Variants in UBE3A observed in about 807,000 individuals in gnomAD.
UBE3A encodes ubiquitin-protein ligase E3A.
Under a neutral mutation model 83.4 loss-of-function variants are expected in UBE3A, and 6 were observed. The observed-to-expected ratio is 0.07, with a 90% CI of 0.04 to 0.14. UBE3A has a LOEUF of 0.14. Among genes scored for constraint, UBE3A ranks in the 10% least tolerant of loss-of-function variants. UBE3A has a pLI of 1.00. For missense variants in UBE3A, 456 were observed against 1,036.1 expected (o/e 0.44, Z 7.69); for synonymous variants, 337 against 355.4 (o/e 0.95, Z 0.58).
chr15:25,433,433 G>A (rs149970079), intron 1 of UBE3A, among the ~76,000 whole-genome samples: 1,522 of 152,168 alleles, frequency 0.01, 30 homozygotes, highest in African/African-American at 0.035. Flanking sequence ...TGATCCGCCC[G>A]CCTCGGCTTC....
chr15:25,344,072 G>C (rs924702323), intron 11 of UBE3A, among the ~76,000 whole-genome samples: 1 of 152,134 alleles, frequency 6.6e-6, no homozygotes, highest in East Asian at 1.9e-4. Context: ...AATTACACAT[G>C]CATCTACCAT....
rs752633417 is a variant in UBE3A at position 25,354,513 on chromosome 15, C to CA, written c.2280+14dup. On this transcript the variant is annotated intron_variant, in intron 10 of 12. Transcript: ENST00000648336. ...AAATCGATACATGACTTTTTGCAGA[C>CA]ACCTGCTTTCTTACCCGGCTTCCAC... 22 of 1,613,810 alleles carry CA rather than the reference C, an allele frequency of 1.4e-5. No individual in the cohort carries two copies. The South Asian group carries it at 2.0e-4, about 14-fold the overall frequency.
At chr15:25,363,451 A>G (rs1468838634) in intron 6 of UBE3A, among the ~76,000 whole-genome samples, 3 of 152,230 alleles carry the variant, frequency 2.0e-5, no homozygotes, top group African/African-American at 7.2e-5. Context: ...GCACTTTTGT[A>G]GCATTTCACA....
intron 4 of UBE3A, among the ~76,000 whole-genome samples, chr15:25,386,218 A>G (rs2083101739): frequency 6.6e-6 from 1 of 152,242 alleles, no homozygotes; most frequent in Non-Finnish European, 1.5e-5. Context: ...ACCTAATCAT[A>G]AGACTACAGA....
In UBE3A at chr15:25,338,186, A is replaced by T. The variant is rs556308513; in HGVS notation, c.*951T>A. 6 of 152,256 alleles carry T rather than the reference A, an allele frequency of 3.9e-5. No individual in the cohort carries two copies. The East Asian group carries it at 1.2e-3, about 29-fold the overall frequency. The allele number at this position is 152,256 out of a possible 1,614,324, so 9.4% of individuals were successfully genotyped here. The stretch of plus-strand genomic sequence containing the variant: ...AGGTAATAAGTAAGTAATTAATAAA[A>T]ACTCTATCTTAAGTGCACTTTCACA... On this transcript the variant is annotated 3_prime_UTR_variant, in exon 13 of 13. Coordinates refer to ENST00000648336, the MANE Select transcript of UBE3A (RefSeq NM_130839.5).
chr15:25,370,989 T>C lies in UBE3A; in HGVS notation c.1185A>G (p.Glu395=), dbSNP rs114056442. ...GCTCGCTGGACTCAGGGATGGGCTC[T>C]TCATCATCTTCTTCATTGTGATTTG... ...VDTNHNEEDD[E]EPIPESSELT... Residue 395 remains glutamate (E), a synonymous_variant, in exon 6 of 13, where the codon GAA becomes GAG. Coordinates refer to ENST00000648336, the MANE Select transcript of UBE3A (RefSeq NM_130839.5). The surrounding 1 kb of genome is among the most constrained non-coding windows in gnomAD (Gnocchi z 4.2). The C allele has an allele frequency of 1.0e-3, 1,627 of 1,614,122 alleles. 14 individuals are homozygous for C. In the African/African-American group the frequency reaches 0.02, roughly 19 times the overall value.
intron 4 of UBE3A, among the ~76,000 whole-genome samples, chr15:25,383,102 A>C (rs2082483782): frequency 6.6e-6 from 1 of 152,208 alleles, no homozygotes; most frequent in Admixed American, 6.5e-5. Context: ...CAAATTTACA[A>C]GAAAAAAGAA....
chr15:25,380,635 G>A (rs748046940), intron 4 of UBE3A, among the ~76,000 whole-genome samples: 15 of 152,086 alleles, frequency 9.9e-5, no homozygotes, highest in Non-Finnish European at 1.5e-4. Context: ...GGAAAGAAAG[G>A]AATTTCCCTG....
At chr15:25,362,086 T>C (rs903843208) in intron 6 of UBE3A, among the ~76,000 whole-genome samples, 1 of 152,182 alleles carries the variant, frequency 6.6e-6, no homozygotes, top group Non-Finnish European at 1.5e-5. Flanking sequence ...CACATAGTAA[T>C]GGAACCTACT....
At chr15:25,418,766 A>G (rs1888231814) in intron 1 of UBE3A, 2 of 152,164 alleles carry the variant, frequency 1.3e-5, no homozygotes, top group African/African-American at 4.8e-5. Flanking sequence ...TTAACAATGT[A>G]ACACTGTCAT....
chr15:25,420,708 G>A (rs1484235482), intron 1 of UBE3A: 1 of 152,156 alleles, frequency 6.6e-6, no homozygotes, highest in Non-Finnish European at 1.5e-5. Context: ...CTGCTGGTGG[G>A]AATGTAAAAT....
intron 4 of UBE3A, among the ~76,000 whole-genome samples, chr15:25,386,539 A>G (rs948912466): frequency 2.0e-5 from 3 of 152,220 alleles, no homozygotes; most frequent in Admixed American, 2.0e-4. Context: ...AACAAAAAAC[A>G]GAACACTGTA....
Position 25,430,027 on chromosome 15 carries a change from C to CTA in UBE3A, c.-165+8460_-165+8461dup, listed in dbSNP as rs199950859. Among the ~76,000 whole-genome samples the CTA allele has an allele frequency of 8.4e-3, 557 of 66,170 alleles. 129 individuals carry two copies. The highest frequency in any genetic ancestry group is 0.061 in the African/African-American group (502 of 8,200). 43.4% of individuals were successfully genotyped at this position (66,170 alleles called of 152,430 possible). A position where few individuals can be genotyped will look rare whatever the true frequency, so the allele number is the denominator to read the frequency against. On this transcript the variant is annotated intron_variant, in intron 1 of 12. Transcript: ENST00000648336. Reference sequence around the variant, plus strand: ...CTCAGGAGGAAAAACAAAAAAAAACCTATATATATATATATATATATATTT... The same window carrying CTA: ...CTCAGGAGGAAAAACAAAAAAAAACCTATATATATATATATATATATATATTT...
At chr15:25,432,016 T>C (rs138119483) in intron 1 of UBE3A, among the ~76,000 whole-genome samples, 22 of 152,338 alleles carry the variant, frequency 1.4e-4, no homozygotes, top group African/African-American at 5.3e-4. Context: ...CTTCATCCTT[T>C]GCTTTCTAAA....
intron 1 of UBE3A, chr15:25,420,865 T>A (rs376480388): frequency 6.6e-6 from 1 of 152,194 alleles, no homozygotes; most frequent in Non-Finnish European, 1.5e-5. Context: ...CCAATGTTCA[T>A]AGCAGCATCA....
At chr15:25,353,065 T>C (rs1048802942) in intron 11 of UBE3A, among the ~76,000 whole-genome samples, 3 of 152,206 alleles carry the variant, frequency 2.0e-5, no homozygotes, top group Admixed American at 6.5e-5. Flanking sequence ...CTAGAAATTA[T>C]ATCTATGATC....
rs587784510 is a variant in UBE3A, at chr15:25,370,998, T to A, written c.1176A>T (p.Glu392Asp). The A allele has an allele frequency of 9.9e-6, 16 of 1,614,020 alleles. No homozygotes were observed. The highest frequency in any genetic ancestry group is 1.7e-5 in the Admixed American group (1 of 59,984). Residue 392 changes from glutamate (E) to aspartate (D), a missense_variant, in exon 6 of 13, where the codon GAA (glutamate) becomes GAT (aspartate). Coordinates refer to ENST00000648336, the MANE Select transcript of UBE3A (RefSeq NM_130839.5). This position sits in a 1 kb window ranked among gnomAD's most constrained non-coding sequence, Gnocchi z 4.2. Reference sequence around the variant, plus strand: ...ACTCAGGGATGGGCTCTTCATCATCTTCTTCATTGTGATTTGTGTCCACTT... The same window carrying A: ...ACTCAGGGATGGGCTCTTCATCATCATCTTCATTGTGATTTGTGTCCACTT... ...GGEVDTNHNEEDDEEPIPESS... is the reference protein window; with the variant it reads ...GGEVDTNHNEDDDEEPIPESS...
At chr15:25,415,154 T>C (rs1567136329) in intron 1 of UBE3A, among the ~76,000 whole-genome samples, 2 of 152,158 alleles carry the variant, frequency 1.3e-5, no homozygotes, top group Non-Finnish European at 2.9e-5. Context: ...TCCTCAAACT[T>C]ACCAACACTG....
At chr15:25,348,362 T>C (rs1203373370) in intron 11 of UBE3A, among the ~76,000 whole-genome samples, 1 of 152,216 alleles carries the variant, frequency 6.6e-6, no homozygotes, top group Non-Finnish European at 1.5e-5. Flanking sequence ...TCTTGGTTTT[T>C]AATCCCAGAG....
Sources: gnomAD v4.1 joint callset for allele counts (sites outside exome capture counted in the v4.1 genomes callset) on GRCh38, gnomAD v4.1.1 for gene constraint, Gnocchi (gnomAD v3.1) non-coding constraint, MANE v1.5 for transcripts, NCBI Gene and HGNC (gene_info 2026-07-23, HGNC 2026-07-21) for gene names.